Variants in TINAG observed in about 807,000 individuals in gnomAD.
The protein encoded by TINAG is tubulointerstitial nephritis antigen.
A neutral mutation model predicts 72.7 loss-of-function variants in TINAG; 83 were observed. That is an observed-to-expected ratio of 1.14 (90% CI 0.96 to 1.37). The LOEUF is 1.37. TINAG is among the 40% of genes most tolerant of loss of function. The pLI is 0.00. For synonymous variants in TINAG, 234 were observed against 189.9 expected (o/e 1.23, Z -1.91); for missense variants, 685 against 576.6 (o/e 1.19, Z -1.93).
At chr6:54,309,066 G>C (rs1003467033) in intron 1 of TINAG, among the ~76,000 whole-genome samples, 161 bp downstream of exon 1, 2 of 152,070 alleles carry the variant, frequency 1.3e-5, no homozygotes, top group African/African-American at 4.8e-5. Flanking sequence ...AAAGTGCTTT[G>C]GTTTGGATGT....
intron 10 of TINAG, 138 bp from the exon 11 acceptor site, chr6:54,389,652 TA>T: frequency 9.4e-7 from 1 of 1,062,298 alleles, no homozygotes; most frequent in Non-Finnish European, 1.3e-6. Flanking sequence ...AACCATTATT[TA>T]AAAATAGGTA....
At chr6:54,388,301 G>A (rs899426188) in intron 10 of TINAG, among the ~76,000 whole-genome samples, 3 of 152,122 alleles carry the variant, frequency 2.0e-5, no homozygotes, top group African/African-American at 7.2e-5. Flanking sequence ...GCTATTCAAA[G>A]TCCATTTCAT....
At chr6:54,378,695 A>G (rs1448466860) in intron 9 of TINAG, among the ~76,000 whole-genome samples, 1 of 152,160 alleles carries the variant, frequency 6.6e-6, no homozygotes, top group Non-Finnish European at 1.5e-5. Flanking sequence ...TATACACCAC[A>G]TTCTGAAGTG....
At chr6:54,384,133 CGTAA>C (rs1407748927) in intron 10 of TINAG, among the ~76,000 whole-genome samples, 1 of 152,034 alleles carries the variant, frequency 6.6e-6, no homozygotes, top group Non-Finnish European at 1.5e-5. Context: ...TGTTCTCACT[CGTAA>C]GTGAGAGTTG....
chr6:54,345,562 C>T (rs1260317575), intron 5 of TINAG, among the ~76,000 whole-genome samples: 2 of 152,090 alleles, frequency 1.3e-5, no homozygotes, highest in Non-Finnish European at 1.5e-5. Context: ...ACAGTTACAC[C>T]ATTTTTTAAA....
chr6:54,343,686 T>C (rs1445583170), intron 5 of TINAG, among the ~76,000 whole-genome samples: 1 of 151,960 alleles, frequency 6.6e-6, no homozygotes, highest in African/African-American at 2.4e-5. Flanking sequence ...TTATTTATAA[T>C]TCTAATATAC....
intron 1 of TINAG, among the ~76,000 whole-genome samples, chr6:54,310,345 C>T (rs1358211008): frequency 6.6e-6 from 1 of 152,026 alleles, no homozygotes; most frequent in African/African-American, 2.4e-5. Context: ...CTTGACCTCC[C>T]AAAGTGCTAG....
chr6:54,362,209 T>A (rs541057891), intron 9 of TINAG, among the ~76,000 whole-genome samples: 45 of 151,822 alleles, frequency 3.0e-4, no homozygotes, highest in African/African-American at 9.4e-4. Flanking sequence ...TCCAGGACTT[T>A]TATAGCTAAA....
chr6:54,358,218 C>T (rs140429048), intron 9 of TINAG, among the ~76,000 whole-genome samples: 26 of 151,912 alleles, frequency 1.7e-4, no homozygotes, highest in African/African-American at 5.8e-4. Flanking sequence ...GCCCTCTGCT[C>T]CAGCAATCCT....
Position 54,308,920 on chromosome 6 carries a change from T to C in TINAG, c.355+15T>C. ...GTATCCAGAAGGTAGGCTTTGGGAA[T>C]GTGTTTCAACATCATCCTCGTTCAT... is the stretch of plus-strand genomic sequence containing the variant. On this transcript the variant is annotated intron_variant, in intron 1 of 10. Transcript: ENST00000259782. 6.3e-7 allele frequency: 1 copy of C among 1,584,148 alleles called. No individual in the cohort carries two copies. Among genetic ancestry groups the C allele is most frequent in the Non-Finnish European group, 8.6e-7 (1 of 1,165,106 alleles).
At chr6:54,358,922 G>T (rs1329911534) in intron 9 of TINAG, among the ~76,000 whole-genome samples, 1 of 151,744 alleles carries the variant, frequency 6.6e-6, no homozygotes, top group Non-Finnish European at 1.5e-5. Flanking sequence ...ATCTTAAGGG[G>T]TGTTTCTAGA....
upstream of TINAG, chr6:54,308,429 A>G (rs75576635): frequency 2.2e-3 from 1,712 of 763,622 alleles, 18 homozygotes; most frequent in African/African-American, 0.023. Context: ...CAAGTAAAGG[A>G]TCAGTTTCAG....
chr6:54,344,106 A>G (rs955772841), intron 5 of TINAG, among the ~76,000 whole-genome samples: 2 of 152,198 alleles, frequency 1.3e-5, no homozygotes, highest in African/African-American at 4.8e-5. Flanking sequence ...TTATCTTCAT[A>G]AAACCATGCT....
intron 1 of TINAG, among the ~76,000 whole-genome samples, chr6:54,313,376 G>A (rs1271168993): frequency 6.6e-6 from 1 of 152,062 alleles, no homozygotes; most frequent in African/African-American, 2.4e-5. Context: ...ACCCCTCACA[G>A]AACCTGCACA....
intron 9 of TINAG, among the ~76,000 whole-genome samples, chr6:54,363,870 G>A (rs966329132): frequency 1.3e-5 from 2 of 151,614 alleles, no homozygotes; most frequent in East Asian, 3.9e-4. Context: ...AGCCTGGAAA[G>A]GTTGGTATTC....
intron 10 of TINAG, among the ~76,000 whole-genome samples, chr6:54,381,339 A>G (rs990755334): frequency 3.3e-4 from 38 of 115,728 alleles, no homozygotes; most frequent in African/African-American, 1.3e-3. Flanking sequence ...TCAATTGTCC[A>G]AAGTCCTAAT....
intron 9 of TINAG, among the ~76,000 whole-genome samples, chr6:54,370,135 T>G (rs1208250257): frequency 6.6e-6 from 1 of 152,010 alleles, no homozygotes; most frequent in Non-Finnish European, 1.5e-5. Context: ...GAAAAAGAAA[T>G]AAATAAATGA....
rs1169903375 is a variant in TINAG at position 54,310,451 on chromosome 6, G to GTC, written c.355+1555_355+1556dup. ...CTTCCTTCCTTCTTTCTCTCTTTCT[G>GTC]TCTCTCTCTCCCTCCTTTCTCCCTC... is the stretch of plus-strand genomic sequence containing the variant. On this transcript the variant is annotated intron_variant, in intron 1 of 10. Transcript: ENST00000259782. Among the ~76,000 whole-genome samples, 25 of 144,558 alleles carry GTC rather than the reference G, an allele frequency of 1.7e-4. No homozygotes were observed. In the East Asian group the frequency reaches 4.3e-3, roughly 25 times the overall value. 94.8% of individuals were successfully genotyped at this position (144,558 alleles called of 152,430 possible). A position where few individuals can be genotyped will look rare whatever the true frequency, so the allele number is the denominator to read the frequency against.
intron 4 of TINAG, among the ~76,000 whole-genome samples, chr6:54,332,850 A>G (rs1413411633): frequency 1.3e-5 from 2 of 152,260 alleles, no homozygotes; most frequent in Non-Finnish European, 2.9e-5. Context: ...TATGCAGCCA[A>G]CAAACATATG....
Sources: gnomAD v4.1 joint callset for allele counts (sites outside exome capture counted in the v4.1 genomes callset) on GRCh38, gnomAD v4.1.1 for gene constraint, MANE v1.5 for transcripts, NCBI Gene and HGNC (gene_info 2026-07-23, HGNC 2026-07-21) for gene names.